The following CA1 variants were observed in gnomAD, a reference collection of about 807,000 sequenced individuals.
CA1 encodes carbonic anhydrase 1.
CA1 carries 27 observed loss-of-function variants against 28.8 expected under a neutral mutation model. The ratio of observed to expected loss-of-function variants is 0.94; its 90% CI spans 0.69 to 1.29. The LOEUF (loss-of-function observed/expected upper bound fraction) is 1.29. Ranked by LOEUF, CA1 falls within the 50% of genes most tolerant of loss-of-function variation. CA1 has a pLI of 0.00. For synonymous variants in CA1, 121 were observed against 108.8 expected, an observed-to-expected ratio of 1.11 and a Z score of -0.70; for missense variants, 335 against 310.5, an observed-to-expected ratio of 1.08 and a Z score of -0.59.
intron 1 of CA1, among the ~76,000 whole-genome samples, chr8:85,353,055 G>A (rs1469982324): frequency 6.6e-6 from 1 of 152,156 alleles, no homozygotes; most frequent in Non-Finnish European, 1.5e-5. Context: ...GAGAGTACAG[G>A]CTGCTTTGAG....
At chr8:85,340,828 G>A (rs1483952806) in intron 2 of CA1, among the ~76,000 whole-genome samples, 1 of 152,092 alleles carries the variant, frequency 6.6e-6, no homozygotes, top group Non-Finnish European at 1.5e-5. Context: ...TCCACACTGA[G>A]GCAAGACCCT....
intron 4 of CA1, among the ~76,000 whole-genome samples, chr8:85,334,627 C>T (rs1052822952): frequency 4.2e-5 from 6 of 142,260 alleles, no homozygotes; most frequent in African/African-American, 1.0e-4. Context: ...TCCCTTCCTT[C>T]CTTCCTCCCT....
At chr8:85,351,443 G>A (rs1003218201) in intron 1 of CA1, among the ~76,000 whole-genome samples, 1 of 152,224 alleles carries the variant, frequency 6.6e-6, no homozygotes, top group Non-Finnish European at 1.5e-5. Flanking sequence ...AAGAAAAATA[G>A]GGTGTATTTC....
At chr8:85,343,326 A>G (rs990208717) in intron 1 of CA1, 1 of 152,204 alleles carries the variant, frequency 6.6e-6, no homozygotes, top group Non-Finnish European at 1.5e-5. Context: ...GTGGCTGCTT[A>G]TATCCCATAA....
chr8:85,332,687 T>A, intron 5 of CA1, 135 bp from the exon 6 acceptor site: 1 of 681,986 alleles, frequency 1.5e-6, no homozygotes, highest in Non-Finnish European at 2.7e-6. Flanking sequence ...GAAGGGGAGA[T>A]TTTTCAAGCT....
chr8:85,351,727 T>A (rs1207612878), intron 1 of CA1: 1 of 152,238 alleles, frequency 6.6e-6, no homozygotes, highest in Non-Finnish European at 1.5e-5. Context: ...TCCTTCCTAC[T>A]TGCCTCTTGC....
chr8:85,328,454 T>A lies in CA1; in HGVS notation c.*106A>T. ...CAGATTGATTTGAAGGCATGCTGTC[T>A]TGCTAATATTGAAATAAATTTATTT... On this transcript the variant is annotated 3_prime_UTR_variant, in exon 8 of 8. Coordinates refer to ENST00000523022, the MANE Select transcript of CA1 (RefSeq NM_001128831.4). The A allele has an allele frequency of 1.4e-6, 1 of 716,342 alleles. No individual in the cohort carries two copies. The allele number at this position is 716,342 out of a possible 1,614,324, so 44.4% of individuals were successfully genotyped here. A position where few individuals can be genotyped will look rare whatever the true frequency, so the allele number is the denominator to read the frequency against.
At chr8:85,348,825 T>G (rs1288752959) in intron 1 of CA1, among the ~76,000 whole-genome samples, 1 of 152,228 alleles carries the variant, frequency 6.6e-6, no homozygotes, top group Non-Finnish European at 1.5e-5. Flanking sequence ...TTAATACACA[T>G]AGCAGATGCA....
At chr8:85,365,997 G>T (rs572940321) in intron 1 of CA1, among the ~76,000 whole-genome samples, 2 of 152,118 alleles carry the variant, frequency 1.3e-5, no homozygotes. Flanking sequence ...AAACCCAGTA[G>T]ATGTCTCTCA....
intron 1 of CA1, among the ~76,000 whole-genome samples, chr8:85,376,695 A>T (rs891371178): frequency 7.3e-5 from 11 of 150,684 alleles, no homozygotes; most frequent in African/African-American, 2.7e-4. Context: ...ATAAATAAAT[A>T]AATAAATAAA....
intron 1 of CA1, among the ~76,000 whole-genome samples, chr8:85,360,743 T>C (rs1051481155): frequency 6.6e-6 from 1 of 152,174 alleles, no homozygotes; most frequent in Non-Finnish European, 1.5e-5. Flanking sequence ...AACTCTTGTT[T>C]CTCATCTCCG....
At chr8:85,354,243 G>A (rs180873008) in intron 1 of CA1, among the ~76,000 whole-genome samples, 89 of 151,582 alleles carry the variant, frequency 5.9e-4, no homozygotes, top group African/African-American at 1.8e-3. Flanking sequence ...CCACAGTGCT[G>A]GGATTATAGG....
intron 1 of CA1, 103 bp downstream of exon 1, chr8:85,377,943 T>C (rs1483494784): frequency 6.6e-6 from 1 of 152,210 alleles, no homozygotes; most frequent in Non-Finnish European, 1.5e-5. Context: ...GTAATTAAGA[T>C]GTAGGTAGGA....
chr8:85,328,639 C>T lies in CA1; in HGVS notation c.707G>A (p.Gly236Asp). 6.2e-7 allele frequency: 1 copy of T among 1,610,832 alleles called. No homozygotes were observed. Among genetic ancestry groups the T allele is most frequent in the Non-Finnish European group, 8.5e-7 (1 of 1,177,824 alleles). Reference protein sequence around the residue: ...QFRSLLSNVEGDNAVPMQHNN... With the variant: ...QFRSLLSNVEDDNAVPMQHNN... ...GTGCTGCATGGGGACAGCGTTATCA[C>T]CTTCAACATTTGATAGAAGGCTGCG... is the stretch of plus-strand genomic sequence containing the variant. The change falls in exon 8 of 8, where the codon GGT (glycine) becomes GAT (aspartate). Residue 236 changes from glycine to aspartate, a missense_variant. By Grantham distance (94) the Gly-to-Asp change is moderately conservative. Transcript: ENST00000523022.
Position 85,336,543 on chromosome 8 carries a change from G to C in CA1, c.354+402C>G, listed in dbSNP as rs117747252. ...TTCGAGCTCTTAGTAGAGTCTCATT[G>C]AATTGTCCTGGCTTGGCCACAACGA... On this transcript the variant is annotated intron_variant, in intron 4 of 7. Coordinates refer to ENST00000523022, the MANE Select transcript of CA1 (RefSeq NM_001128831.4). 9.3e-3 allele frequency among the ~76,000 whole-genome samples: 1,417 copies of C among 152,272 alleles called. 18 individuals carry two copies. The highest frequency in any genetic ancestry group is 0.063 in the East Asian group (324 of 5,174).
At chr8:85,341,513 A>T in intron 2 of CA1, 86 bp downstream of exon 2, 1 of 843,290 alleles carries the variant, frequency 1.2e-6, no homozygotes, top group East Asian at 2.4e-5. Flanking sequence ...CTATAGCTGT[A>T]CAATTATTTT....
rs1379143404 is a variant in CA1 at position 85,344,284 on chromosome 8, ATATACAGTATATAATATAATTATATAT to A, written c.-24-2652_-24-2626del. On this transcript the variant is annotated intron_variant, in intron 1 of 7. Transcript: ENST00000523022. ...AGTATATAATATATAATTATATATT[ATATACAGTATATAATATAATTATATAT>A]TATACAGTATATAATATATAATTTG... 8.0e-3 allele frequency among the ~76,000 whole-genome samples: 185 copies of A among 22,986 alleles called. 1 individual carries two copies. Among genetic ancestry groups the A allele is most frequent in the Non-Finnish European group, 0.02 (128 of 6,388 alleles). 15.1% of individuals were successfully genotyped at this position (22,986 alleles called of 152,430 possible).
intron 2 of CA1, 33 bp downstream of exon 2, chr8:85,341,563 TATC>T: frequency 7.7e-7 from 1 of 1,290,938 alleles, no homozygotes; most frequent in Non-Finnish European, 1.1e-6. Context: ...GGGAACAAGT[TATC>T]ATTTTGATCT....
chr8:85,337,976 C>T (rs1222515951), intron 3 of CA1: 5 of 552,638 alleles, frequency 9.0e-6, no homozygotes, highest in Non-Finnish European at 1.7e-5. Context: ...GCTGTTTATT[C>T]AGAGACAGTG....
Sources: allele counts gnomAD v4.1 joint callset (sites outside exome capture counted in the v4.1 genomes callset), GRCh38; gene constraint gnomAD v4.1.1; transcripts MANE v1.5; gene names NCBI Gene and HGNC (gene_info 2026-07-23, HGNC 2026-07-21).